SP1: variants seen among roughly 807,000 people sequenced by gnomAD.
SP1 encodes the protein Sp1 transcription factor, also known as transcription factor Sp1.
SP1 carries 6 observed loss-of-function variants against 66.3 expected under a neutral mutation model. The ratio of observed to expected loss-of-function variants is 0.09; its 90% CI spans 0.05 to 0.18. The LOEUF (loss-of-function observed/expected upper bound fraction) is 0.18, where lower values mean the gene tolerates loss of function less well. Among genes scored for constraint, SP1 ranks in the 10% least tolerant of loss-of-function variants. The probability of loss-of-function intolerance (pLI) is 1.00; values close to 1 mark genes in which losing one functional copy is unlikely to be tolerated. For missense variants in SP1, 848 were observed against 964.5 expected, an observed-to-expected ratio of 0.88 and a Z score of 1.60; for synonymous variants, 417 against 360.8, an observed-to-expected ratio of 1.16 and a Z score of -1.77.
At chr12:53,388,966 T>C (rs1938288338) in intron 3 of SP1, among the ~76,000 whole-genome samples, 1 of 148,760 alleles carries the variant, frequency 6.7e-6, no homozygotes, top group Admixed American at 6.8e-5. Context: ...GGCAGTAGGG[T>C]GAGTCCCTGT....
chr12:53,395,067 G>A (rs936714396), intron 3 of SP1, among the ~76,000 whole-genome samples: 1 of 152,068 alleles, frequency 6.6e-6, no homozygotes, highest in African/African-American at 2.4e-5. Context: ...CTGGCCAAGT[G>A]CAGTGGCTCA....
At position 53,411,244 on chromosome 12, in the gene SP1, C is replaced by A. The variant is rs774415873; in HGVS notation, c.*4C>A. 6.2e-7 allele frequency: 1 copy of A among 1,605,702 alleles called. No homozygotes were observed. ...TATCAGTGGCAATGGCTTCTGAGATCAGGCACCCGGGGCCAGAGACATATG... is the reference window on the plus strand; with the variant it reads ...TATCAGTGGCAATGGCTTCTGAGATAAGGCACCCGGGGCCAGAGACATATG... On this transcript the variant is annotated 3_prime_UTR_variant, in exon 6 of 6. Transcript: ENST00000327443.
chr12:53,390,075 T>G (rs1330606060), intron 3 of SP1, among the ~76,000 whole-genome samples: 1 of 152,194 alleles, frequency 6.6e-6, no homozygotes, highest in Non-Finnish European at 1.5e-5. Flanking sequence ...TAAAAAGTTG[T>G]GTTTTAGAGC....
rs905748418 is a variant in SP1, at chr12:53,401,649, G to A, written c.1676-4936G>A. Among the ~76,000 whole-genome samples the A allele has an allele frequency of 1.3e-5, 2 of 151,868 alleles. 1 individual carries two copies. Among genetic ancestry groups the A allele is most frequent in the Admixed American group, 1.3e-4 (2 of 15,206 alleles). On this transcript the variant is annotated intron_variant, in intron 3 of 5. Transcript: ENST00000327443. Reference sequence around the variant, plus strand: ...CTTAGTGTTGATTAAAGAAAATATTGGTGTATATCTTATTTCATGATTACT... The same window carrying A: ...CTTAGTGTTGATTAAAGAAAATATTAGTGTATATCTTATTTCATGATTACT...
In SP1 at chr12:53,381,833, T is replaced by C. The variant is rs1477559373; in HGVS notation, c.162+20T>C. The C allele has an allele frequency of 1.2e-6, 2 of 1,601,516 alleles. No individual in the cohort carries two copies. Among genetic ancestry groups the C allele is most frequent in the African/African-American group, 1.4e-5 (1 of 73,930 alleles). ...GGGCAGGTAAGTGATAATCATAGAG[T>C]GGGGAAGGTGTTGAGAAGATGTAAA... is the stretch of plus-strand genomic sequence containing the variant. On this transcript the variant is annotated intron_variant, in intron 2 of 5. Coordinates refer to ENST00000327443, the MANE Select transcript of SP1 (RefSeq NM_138473.3).
At position 53,380,284 on chromosome 12, in the gene SP1, C is replaced by T; in HGVS notation, c.-8C>T. The T allele has an allele frequency of 1.3e-6, 2 of 1,588,124 alleles. No homozygotes were observed. Among genetic ancestry groups the T allele is most frequent in the Non-Finnish European group, 1.7e-6 (2 of 1,161,432 alleles). The stretch of plus-strand genomic sequence containing the variant: ...GGACCCCCTTGAGCTTGTCCCTCAG[C>T]TGCCACCATGAGCGGTAAGGATGAG... On this transcript the variant is annotated 5_prime_UTR_variant, in exon 1 of 6. Coordinates refer to ENST00000327443, the MANE Select transcript of SP1 (RefSeq NM_138473.3).
Position 53,405,350 on chromosome 12 carries a change from T to C in SP1, c.1676-1235T>C, listed in dbSNP as rs934669118. Among the ~76,000 whole-genome samples, 12 of 152,162 alleles carry C rather than the reference T, an allele frequency of 7.9e-5. 1 individual carries two copies. The highest frequency in any genetic ancestry group is 7.9e-4 in the Admixed American group (12 of 15,258). On this transcript the variant is annotated intron_variant, in intron 3 of 5. Coordinates refer to ENST00000327443, the MANE Select transcript of SP1 (RefSeq NM_138473.3). The stretch of plus-strand genomic sequence containing the variant: ...TGGCCTTCAAAAAGTTGTATTAATT[T>C]ATCACTATTTGTGTATGAAAATGTC...
chr12:53,399,301 A>T (rs1478385314), intron 3 of SP1, among the ~76,000 whole-genome samples: 1 of 151,876 alleles, frequency 6.6e-6, no homozygotes, highest in Non-Finnish European at 1.5e-5. Context: ...GGTGTGCTCC[A>T]CCATGCCCAG....
intron 3 of SP1, among the ~76,000 whole-genome samples, chr12:53,396,760 T>C (rs952685518): frequency 6.6e-6 from 1 of 152,164 alleles, no homozygotes; most frequent in African/African-American, 2.4e-5. Context: ...ATTTATGTTA[T>C]AGTCTTCTGG....
chr12:53,391,346 C>CTTTTTTTTTTTT lies in SP1; in HGVS notation c.1675+7734_1675+7745dup, dbSNP rs71068117. Among the ~76,000 whole-genome samples the CTTTTTTTTTTTT allele has an allele frequency of 5.1e-5, 5 of 97,460 alleles. 1 individual carries two copies. The highest frequency in any genetic ancestry group is 1.6e-4 in the African/African-American group (4 of 25,792). 63.9% of individuals were successfully genotyped at this position (97,460 alleles called of 152,430 possible). A position where few individuals can be genotyped will look rare whatever the true frequency, so the allele number is the denominator to read the frequency against. On this transcript the variant is annotated intron_variant, in intron 3 of 5. Transcript: ENST00000327443. ...AGAACTTTTTTTTTTTAAGTAATGT[C>CTTTTTTTTTTTT]TTTTTTTTTTTTTTTTTTTTTGAGA...
chr12:53,398,882 G>T (rs1167318823), intron 3 of SP1, among the ~76,000 whole-genome samples: 1 of 152,160 alleles, frequency 6.6e-6, no homozygotes, highest in Non-Finnish European at 1.5e-5. Context: ...ACTGAAATTT[G>T]TCCAAATGGA....
intron 3 of SP1, among the ~76,000 whole-genome samples, chr12:53,388,369 A>G (rs976269874): frequency 2.6e-5 from 4 of 152,140 alleles, no homozygotes; most frequent in South Asian, 2.1e-4. Context: ...GCCATTTAAT[A>G]TGTCATAGAC....
At chr12:53,394,974 T>C (rs1416202563) in intron 3 of SP1, among the ~76,000 whole-genome samples, 1 of 151,194 alleles carries the variant, frequency 6.6e-6, no homozygotes, top group Non-Finnish European at 1.5e-5. Context: ...CAAGCAATCC[T>C]CCGACTCAGC....
In SP1 at chr12:53,383,492, A is replaced by G; in HGVS notation, c.1545A>G (p.Thr515=). The change falls in exon 3 of 6, where the codon ACA becomes ACG. Residue 515 remains threonine (T), a synonymous_variant. Transcript: ENST00000327443. Reference sequence around the variant, plus strand: ...CAGCTGCTTCCATTCCTGCTGGCACAGTCACTGTGAATGCTGCTCAACTCT... The same window carrying G: ...CAGCTGCTTCCATTCCTGCTGGCACGGTCACTGTGAATGCTGCTCAACTCT... ...IASAASIPAG[T]VTVNAAQLSS... The G allele has an allele frequency of 6.2e-7, 1 of 1,614,202 alleles. No homozygotes were observed. The highest frequency in any genetic ancestry group is 8.5e-7 in the Non-Finnish European group (1 of 1,180,044).
rs767499108 is a variant in SP1, at chr12:53,382,293, G to T, written c.346G>T (p.Ala116Ser). The change falls in exon 3 of 6, where the codon GCT (alanine) becomes TCT (serine). Residue 116 changes from alanine to serine, a missense_variant. Physicochemically the swap from Ala to Ser is moderately conservative, Grantham distance 99. Around this residue, in one of 7 missense-constraint regions of SP1, gnomAD observed 606 missense variants for 589.9 expected, o/e 1.03. Transcript: ENST00000327443. ...GCAGATCATCTCTTCCTCCTCTGGGGCTACCCCTACCTCAAAGGAACAGAG... is the reference window on the plus strand; with the variant it reads ...GCAGATCATCTCTTCCTCCTCTGGGTCTACCCCTACCTCAAAGGAACAGAG... The part of the protein sequence containing the change: ...GWQIISSSSG[A>S]TPTSKEQSGS... The T allele has an allele frequency of 6.2e-7, 1 of 1,614,154 alleles. No homozygotes were observed. The highest frequency in any genetic ancestry group is 1.1e-5 in the South Asian group (1 of 91,078).
At chr12:53,403,040 C>T (rs1938645316) in intron 3 of SP1, among the ~76,000 whole-genome samples, 6 of 151,418 alleles carry the variant, frequency 4.0e-5, no homozygotes, top group Admixed American at 4.0e-4. Flanking sequence ...CACAGCTACT[C>T]GGGAGGCTGA....
intron 4 of SP1, among the ~76,000 whole-genome samples, chr12:53,407,984 C>T (rs1388178703): frequency 7.8e-5 from 11 of 141,286 alleles, no homozygotes; most frequent in African/African-American, 2.8e-4. Flanking sequence ...CGGTGGCTCA[C>T]GCCTGTAATC....
Position 53,412,327 on chromosome 12 carries a change from C to A in SP1, c.*1087C>A, listed in dbSNP as rs1012046304. The A allele has an allele frequency of 6.6e-6, 1 of 152,568 alleles. No homozygotes were observed. Among genetic ancestry groups the A allele is most frequent in the Non-Finnish European group, 1.5e-5 (1 of 68,028 alleles). The allele number at this position is 152,568 out of a possible 1,614,324, so 9.5% of individuals were successfully genotyped here. A position where few individuals can be genotyped will look rare whatever the true frequency, so the allele number is the denominator to read the frequency against. ...GCTTTCACTAGGAAAATCATGTGCT[C>A]AGAAGAGGAAATGACTCGTAGTCAG... On this transcript the variant is annotated 3_prime_UTR_variant, in exon 6 of 6. Transcript: ENST00000327443.
chr12:53,384,089 C>T (rs754535074), intron 3 of SP1, among the ~76,000 whole-genome samples: 20 of 151,080 alleles, frequency 1.3e-4, no homozygotes, highest in Non-Finnish European at 2.5e-4. Flanking sequence ...CCTGCCTCAG[C>T]CTCCCGAGTG....
Sources: gnomAD v4.1 joint callset for allele counts (sites outside exome capture counted in the v4.1 genomes callset) on GRCh38, gnomAD v4.1.1 for gene constraint, gnomAD v4.1.1 regional missense constraint, MANE v1.5 for transcripts, NCBI Gene and HGNC (gene_info 2026-07-23, HGNC 2026-07-21) for gene names.